SYAP1: variants seen among roughly 807,000 people sequenced by gnomAD.
SYAP1 encodes the protein synapse associated protein 1, also known as synapse-associated protein 1.
In SYAP1, 3 loss-of-function variants were observed where a neutral mutation model predicts 29.6. The ratio of observed to expected loss-of-function variants is 0.10; its 90% confidence interval spans 0.05 to 0.26. The LOEUF (loss-of-function observed/expected upper bound fraction) is 0.26. Among genes scored for constraint, SYAP1 ranks in the 10% least tolerant of loss-of-function variants. The pLI is 1.00. For missense variants in SYAP1, 217 were observed against 264.1 expected, an observed-to-expected ratio of 0.82 and a Z score of 1.24; for synonymous variants, 102 against 102.7, an observed-to-expected ratio of 0.99 and a Z score of 0.04.
At chrX:16,729,723 C>CT (rs777810083) in intron 1 of SYAP1, among the ~76,000 whole-genome samples, 57 of 111,103 alleles carry the variant, frequency 5.1e-4, no homozygotes, top group African/African-American at 1.8e-3. Context: ...ACCTTGTGAT[C>CT]TGCCCACCTT....
chrX:16,738,698 G>A lies in SYAP1; in HGVS notation c.361+2466G>A, dbSNP rs145639773. 4.5e-3 allele frequency among the ~76,000 whole-genome samples: 497 copies of A among 111,241 alleles called. 12 individuals are homozygous for A. The highest frequency in any genetic ancestry group is 0.041 in the Admixed American group (424 of 10,368). On this transcript the variant is annotated intron_variant, in intron 3 of 8. Transcript: ENST00000380155. ...AAAAAAGAAAATAAAAACAGTGCCC[G>A]TTTACCCAAGAGAGTGGACAACTAG... is the stretch of plus-strand genomic sequence containing the variant.
intron 8 of SYAP1, among the ~76,000 whole-genome samples, chrX:16,757,799 G>A (rs1926882072): frequency 9.4e-6 from 1 of 106,767 alleles, no homozygotes. Context: ...AGCTACTCGG[G>A]AGGAAGCTGA....
intron 5 of SYAP1, among the ~76,000 whole-genome samples, chrX:16,746,167 T>C (rs1485659410): frequency 1.4e-5 from 1 of 71,425 alleles, no homozygotes; most frequent in African/African-American, 5.3e-5. Flanking sequence ...AAGAAAAGTA[T>C]GTTTTATGGC....
At chrX:16,737,372 G>A (rs911948764) in intron 3 of SYAP1, among the ~76,000 whole-genome samples, 2 of 111,301 alleles carry the variant, frequency 1.8e-5, no homozygotes, top group Non-Finnish European at 3.8e-5. Flanking sequence ...ACTACAGAGT[G>A]AGACCCTGTC....
chrX:16,734,416 A>G (rs1003087689), intron 1 of SYAP1, among the ~76,000 whole-genome samples: 2 of 109,538 alleles, frequency 1.8e-5, no homozygotes, highest in African/African-American at 3.3e-5. Context: ...TTCTGTTTCT[A>G]CTAGGGCTTG....
chrX:16,739,476 CTT>C (rs760754281), intron 3 of SYAP1, among the ~76,000 whole-genome samples: 2 of 81,514 alleles, frequency 2.5e-5, no homozygotes, highest in Non-Finnish European at 2.3e-5. Context: ...CTCTCTCTCT[CTT>C]TTTTTTTTTT....
At chrX:16,744,322 G>A (rs911159757) in intron 5 of SYAP1, among the ~76,000 whole-genome samples, 5 of 112,256 alleles carry the variant, frequency 4.5e-5, no homozygotes, top group African/African-American at 9.7e-5. Flanking sequence ...TTGGTGGTGC[G>A]GCCAACAGGG....
At chrX:16,745,871 T>C (rs1926589024) in intron 5 of SYAP1, among the ~76,000 whole-genome samples, 1 of 111,340 alleles carries the variant, frequency 9.0e-6, no homozygotes, top group Admixed American at 9.7e-5. Flanking sequence ...TGTATGTAAT[T>C]CCTTTTCTGT....
chrX:16,749,957 A>G (rs1285706138), intron 5 of SYAP1, among the ~76,000 whole-genome samples: 1 of 109,621 alleles, frequency 9.1e-6, no homozygotes, highest in African/African-American at 3.3e-5. Flanking sequence ...TAGGCAGCCT[A>G]CTACCTCATG....
At chrX:16,745,187 G>A (rs1306197907) in intron 5 of SYAP1, among the ~76,000 whole-genome samples, 1 of 111,929 alleles carries the variant, frequency 8.9e-6, no homozygotes, top group Non-Finnish European at 1.9e-5. Flanking sequence ...AGGACTCCTC[G>A]GCCTCCTGCC....
At chrX:16,751,680 CT>C (rs771762320) in intron 5 of SYAP1, among the ~76,000 whole-genome samples, 64 of 95,307 alleles carry the variant, frequency 6.7e-4, no homozygotes, top group Middle Eastern at 5.3e-3. Context: ...TTTTTCTTTT[CT>C]TTTTTTTTTT....
chrX:16,746,452 G>C (rs778590775), intron 5 of SYAP1, among the ~76,000 whole-genome samples: 23 of 110,489 alleles, frequency 2.1e-4, no homozygotes, highest in African/African-American at 7.6e-4. Flanking sequence ...GGCCAGGCTG[G>C]TCTCGAACTC....
chrX:16,739,266 G>A (rs1006362311), intron 3 of SYAP1, among the ~76,000 whole-genome samples: 1 of 110,692 alleles, frequency 9.0e-6, no homozygotes, highest in Non-Finnish European at 1.9e-5. Context: ...AGAATGAAGC[G>A]TGTGCTCATC....
intron 5 of SYAP1, among the ~76,000 whole-genome samples, chrX:16,744,686 G>C (rs1340851265): frequency 9.0e-6 from 1 of 111,231 alleles, no homozygotes; most frequent in Non-Finnish European, 1.9e-5. Flanking sequence ...CCAAGAATTA[G>C]CCGGGCGTGG....
At chrX:16,742,254 C>T (rs201137675) in intron 4 of SYAP1, among the ~76,000 whole-genome samples, 2 of 103,410 alleles carry the variant, frequency 1.9e-5, no homozygotes, top group Admixed American at 1.1e-4. Flanking sequence ...CAGGTTCAAG[C>T]GATTCTCTTG....
chrX:16,722,485 G>A (rs1448945408), intron 1 of SYAP1, among the ~76,000 whole-genome samples: 6 of 106,427 alleles, frequency 5.6e-5, no homozygotes, highest in South Asian at 4.3e-4. Flanking sequence ...CCGAGATCGC[G>A]CCACTGCACT....
At chrX:16,739,880 G>C (rs1392386532) in intron 3 of SYAP1, among the ~76,000 whole-genome samples, 1 of 111,253 alleles carries the variant, frequency 9.0e-6, no homozygotes, top group African/African-American at 3.3e-5. Flanking sequence ...CCACATTTTT[G>C]TGACTTCTGC....
intron 1 of SYAP1, among the ~76,000 whole-genome samples, chrX:16,728,564 C>A (rs1371252152): frequency 9.1e-6 from 1 of 110,355 alleles, no homozygotes; most frequent in Non-Finnish European, 1.9e-5. Context: ...ACTTGGGAGG[C>A]TGAGGCAGGA....
intron 5 of SYAP1, among the ~76,000 whole-genome samples, chrX:16,745,060 T>TA (rs1926566343): frequency 8.9e-6 from 1 of 112,472 alleles, no homozygotes; most frequent in African/African-American, 3.2e-5. Flanking sequence ...AGACTCTCCT[T>TA]ACCTGTCCCT....
Sources: allele counts gnomAD v4.1 joint callset (sites outside exome capture counted in the v4.1 genomes callset), GRCh38; gene constraint gnomAD v4.1.1; transcripts MANE v1.5; gene names NCBI Gene and HGNC (gene_info 2026-07-23, HGNC 2026-07-21).